The following PIEZO2 variants were observed in gnomAD, a reference collection of about 807,000 sequenced individuals.
The protein encoded by PIEZO2 is piezo-type mechanosensitive ion channel component 2.
Under a neutral mutation model 337.3 loss-of-function variants are expected in PIEZO2, and 172 were observed. The ratio of observed to expected loss-of-function variants is 0.51; its 90% confidence interval spans 0.45 to 0.58. The LOEUF (loss-of-function observed/expected upper bound fraction) is 0.58, where lower values mean the gene tolerates loss of function less well. Ranked by LOEUF, PIEZO2 falls within the 20% of genes least tolerant of loss-of-function variation. PIEZO2 has a pLI of 0.00. For synonymous variants in PIEZO2, 1,251 were observed against 1,228.5 expected (o/e 1.02, Z -0.38); for missense variants, 3,028 against 3,391.3 (o/e 0.89, Z 2.66).
chr18:10,979,680 G>A lies in PIEZO2; in HGVS notation c.161-20C>T. 1.3e-6 allele frequency: 2 copies of A among 1,516,304 alleles called. No individual in the cohort carries two copies. Among genetic ancestry groups the A allele is most frequent in the East Asian group, 2.5e-5 (1 of 40,708 alleles). 93.9% of individuals were successfully genotyped at this position (1,516,304 alleles called of 1,614,324 possible). ...TATGTCCTAAGGGATAAAAAGTGCA[G>A]AGATTGTGAGAGAGCTTAAGATGAA... On this transcript the variant is annotated intron_variant, in intron 2 of 55. Coordinates refer to ENST00000674853, the MANE Select transcript of PIEZO2 (RefSeq NM_001378183.1). The surrounding 1 kb of genome is among the most constrained non-coding windows in gnomAD (Gnocchi z 4.0).
rs374875649 is a variant in PIEZO2 at position 10,993,918 on chromosome 18, C to T, written c.161-14258G>A. Among the ~76,000 whole-genome samples, 117 of 152,140 alleles carry T rather than the reference C, an allele frequency of 7.7e-4. 1 individual carries two copies. Among genetic ancestry groups the T allele is most frequent in the African/African-American group, 2.7e-3 (112 of 41,488 alleles). Reference sequence around the variant, plus strand: ...TGATATTTGGTTACACAAGTAAGTTCTTTGGTAGTTATTTGTGAGATTTTG... The same window carrying T: ...TGATATTTGGTTACACAAGTAAGTTTTTTGGTAGTTATTTGTGAGATTTTG... On this transcript the variant is annotated intron_variant, in intron 2 of 55. Coordinates refer to ENST00000674853, the MANE Select transcript of PIEZO2 (RefSeq NM_001378183.1). The surrounding 1 kb of genome is among the most constrained non-coding windows in gnomAD (Gnocchi z 5.0).
Position 11,033,336 on chromosome 18 carries a change from T to C in PIEZO2, c.160+32791A>G, listed in dbSNP as rs1333586865. ...AGACCACCAGGACTTAGGGCAGGAC[T>C]CCAGCCAGAGTGCAAGATCTCACTG... On this transcript the variant is annotated intron_variant, in intron 2 of 55. Transcript: ENST00000674853. This position sits in a 1 kb window ranked among gnomAD's most constrained non-coding sequence, Gnocchi z 4.2. Among the ~76,000 whole-genome samples, 3 of 152,220 alleles carry C rather than the reference T, an allele frequency of 2.0e-5. No individual in the cohort carries two copies. The highest frequency in any genetic ancestry group is 4.4e-5 in the Non-Finnish European group (3 of 68,030).
In PIEZO2 at chr18:11,017,450, T is replaced by C. The variant is rs376510584; in HGVS notation, c.161-37790A>G. 5.9e-4 allele frequency among the ~76,000 whole-genome samples: 89 copies of C among 150,494 alleles called. 1 individual carries two copies. The highest frequency in any genetic ancestry group is 2.1e-3 in the African/African-American group (86 of 40,626). The stretch of plus-strand genomic sequence containing the variant: ...AATAAACACAATCTTTATGAAAGCA[T>C]GAATGCCTTTTTTTTTTGAGATGCA... On this transcript the variant is annotated intron_variant, in intron 2 of 55. Transcript: ENST00000674853.
chr18:10,769,204 T>G (rs1273388428), intron 21 of PIEZO2, among the ~76,000 whole-genome samples: 1 of 152,256 alleles, frequency 6.6e-6, no homozygotes, highest in Non-Finnish European at 1.5e-5. Context: ...TAGGCTAGAT[T>G]TGGGCTCCAT....
chr18:10,701,402 G>A (rs1401464942), intron 43 of PIEZO2, among the ~76,000 whole-genome samples: 1 of 152,232 alleles, frequency 6.6e-6, no homozygotes, highest in Non-Finnish European at 1.5e-5. Flanking sequence ...TCCTCCAGCA[G>A]GATCATGAGT....
At chr18:11,134,125 G>T (rs1028421205) in intron 1 of PIEZO2, among the ~76,000 whole-genome samples, 24 of 152,172 alleles carry the variant, frequency 1.6e-4, no homozygotes, top group African/African-American at 5.1e-4. Context: ...ATAGAGAAGG[G>T]ACATTACAGA....
At chr18:11,071,039 C>T (rs1272241200) in intron 1 of PIEZO2, among the ~76,000 whole-genome samples, 1 of 152,034 alleles carries the variant, frequency 6.6e-6, no homozygotes, top group African/African-American at 2.4e-5. Flanking sequence ...AGGAAAGAAG[C>T]AAAATGCAAT....
At chr18:11,004,307 A>G (rs1161182741) in intron 2 of PIEZO2, among the ~76,000 whole-genome samples, 3 of 152,106 alleles carry the variant, frequency 2.0e-5, no homozygotes, top group Non-Finnish European at 4.4e-5. Flanking sequence ...CAACTTCCAA[A>G]TTTCCAGATT....
intron 44 of PIEZO2, 90 bp from the exon 45 acceptor site, chr18:10,697,970 G>C: frequency 1.4e-6 from 2 of 1,477,720 alleles, no homozygotes; most frequent in Non-Finnish European, 1.8e-6. Flanking sequence ...AGCCCACATG[G>C]TGGAGGGATA....
intron 14 of PIEZO2, among the ~76,000 whole-genome samples, chr18:10,789,795 A>T (rs1281469892): frequency 6.6e-6 from 1 of 152,252 alleles, no homozygotes; most frequent in African/African-American, 2.4e-5. Context: ...CAAAAAGTAT[A>T]CTTTTAAATA....
chr18:11,106,233 C>T (rs1238503706), intron 1 of PIEZO2, among the ~76,000 whole-genome samples: 1 of 151,234 alleles, frequency 6.6e-6, no homozygotes, highest in Non-Finnish European at 1.5e-5. Context: ...ACTACAGGCG[C>T]CCACCACCAC....
At chr18:10,887,228 C>T (rs2042633683) in intron 4 of PIEZO2, among the ~76,000 whole-genome samples, 1 of 151,750 alleles carries the variant, frequency 6.6e-6, no homozygotes, top group African/African-American at 2.4e-5. Context: ...CACTAGCACA[C>T]CTGGCTAATT....
In PIEZO2 at chr18:11,128,075, T is replaced by A. The variant is rs2040236572; in HGVS notation, c.64+20450A>T. ...AATAAATGCATTTGACACTCCTGATTCACCACTCATGACAGGCAAGGAGTT... is the reference window on the plus strand; with the variant it reads ...AATAAATGCATTTGACACTCCTGATACACCACTCATGACAGGCAAGGAGTT... On this transcript the variant is annotated intron_variant, in intron 1 of 55. Coordinates refer to ENST00000674853, the MANE Select transcript of PIEZO2 (RefSeq NM_001378183.1). The surrounding 1 kb of genome is among the most constrained non-coding windows in gnomAD (Gnocchi z 4.1). Among the ~76,000 whole-genome samples the A allele has an allele frequency of 6.6e-6, 1 of 152,152 alleles. No individual in the cohort carries two copies. The highest frequency in any genetic ancestry group is 1.5e-5 in the Non-Finnish European group (1 of 68,024).
At chr18:10,914,683 G>A (rs1300417882) in intron 3 of PIEZO2, among the ~76,000 whole-genome samples, 2 of 151,982 alleles carry the variant, frequency 1.3e-5, no homozygotes, top group Non-Finnish European at 2.9e-5. Flanking sequence ...TTCATAGAAG[G>A]GATTTTTTCC....
chr18:10,757,605 G>T (rs183280534), intron 27 of PIEZO2, among the ~76,000 whole-genome samples: 2 of 151,334 alleles, frequency 1.3e-5, no homozygotes, highest in Admixed American at 1.3e-4. Context: ...AGAAAGATGG[G>T]GGATGAGGAA....
intron 4 of PIEZO2, among the ~76,000 whole-genome samples, chr18:10,876,965 C>A (rs762249292): frequency 1.1e-4 from 17 of 152,206 alleles, no homozygotes; most frequent in Non-Finnish European, 2.1e-4. Flanking sequence ...GCAAGACCAA[C>A]CCCTTCTACT....
At chr18:11,093,457 A>G (rs568737337) in intron 1 of PIEZO2, among the ~76,000 whole-genome samples, 2 of 152,178 alleles carry the variant, frequency 1.3e-5, no homozygotes, top group Admixed American at 6.5e-5. Context: ...GGATCAGATG[A>G]CTATAGTCAA....
rs549124857 is a variant in PIEZO2 at position 10,775,894 on chromosome 18, G to A, written c.2535-1856C>T. Among the ~76,000 whole-genome samples, 4 of 147,532 alleles carry A rather than the reference G, an allele frequency of 2.7e-5. No individual in the cohort carries two copies. The highest frequency in any genetic ancestry group is 2.0e-4 in the East Asian group (1 of 4,916). On this transcript the variant is annotated intron_variant, in intron 18 of 55. Transcript: ENST00000674853. This position sits in a 1 kb window ranked among gnomAD's most constrained non-coding sequence, Gnocchi z 4.3. Reference sequence around the variant, plus strand: ...CCTCTCTGGAGCAGTCTAACCTCATGAGCTTGTAATGGATGACAAAAAAAG... The same window carrying A: ...CCTCTCTGGAGCAGTCTAACCTCATAAGCTTGTAATGGATGACAAAAAAAG...
intron 9 of PIEZO2, among the ~76,000 whole-genome samples, chr18:10,802,036 A>G (rs2039837437): frequency 1.4e-5 from 2 of 145,974 alleles, no homozygotes; most frequent in African/African-American, 5.1e-5. Context: ...CAGTGAGCCG[A>G]GATCCCGCCA....
Sources: allele counts gnomAD v4.1 joint callset (sites outside exome capture counted in the v4.1 genomes callset), GRCh38; gene constraint gnomAD v4.1.1; non-coding constraint Gnocchi (gnomAD v3.1); transcripts MANE v1.5; gene names NCBI Gene and HGNC (gene_info 2026-07-23, HGNC 2026-07-21).